The following CRADD variants were observed in gnomAD, a reference collection of about 807,000 sequenced individuals.
The protein encoded by CRADD is CARD and death domain containing adaptor protein.
A neutral mutation model predicts 15.5 loss-of-function variants in CRADD; 9 were observed. That is an observed-to-expected ratio of 0.58 (90% confidence interval 0.35 to 1.01). The LOEUF (loss-of-function observed/expected upper bound fraction) is 1.01. Among genes scored for constraint, CRADD ranks in the 50% least tolerant of loss-of-function variants. The pLI is 0.02. For missense variants in CRADD, 227 were observed against 250.3 expected (o/e 0.91, Z 0.63); for synonymous variants, 118 against 107.6 (o/e 1.10, Z -0.60).
At chr12:93,725,839 C>T (rs186149341) in intron 2 of CRADD, among the ~76,000 whole-genome samples, 171 of 152,210 alleles carry the variant, frequency 1.1e-3, no homozygotes, top group African/African-American at 3.4e-3. Flanking sequence ...TTATATATAC[C>T]TTTCTCTCTT....
chr12:93,883,101 AG>A (rs1958514108), intron 2 of CRADD, among the ~76,000 whole-genome samples: 1 of 152,266 alleles, frequency 6.6e-6, no homozygotes, highest in Non-Finnish European at 1.5e-5. Context: ...TAATTTAATT[AG>A]GCATATGGAC....
intron 2 of CRADD, among the ~76,000 whole-genome samples, chr12:93,866,657 C>A (rs938785832): frequency 6.6e-6 from 1 of 152,130 alleles, no homozygotes; most frequent in Admixed American, 6.6e-5. Flanking sequence ...GAATGAGACT[C>A]TGTATTGTGG....
intron 2 of CRADD, among the ~76,000 whole-genome samples, chr12:93,741,610 C>T (rs1956668390): frequency 6.6e-6 from 1 of 152,144 alleles, no homozygotes; most frequent in South Asian, 2.1e-4. Context: ...GCTGAAGACC[C>T]ACTGTTCAAG....
intron 2 of CRADD, among the ~76,000 whole-genome samples, chr12:93,741,197 G>A (rs1956661504): frequency 6.6e-6 from 1 of 152,192 alleles, no homozygotes; most frequent in African/African-American, 2.4e-5. Context: ...CAGATGCAAT[G>A]ATTTTGTCTG....
chr12:93,678,795 A>G lies in CRADD; in HGVS notation c.21A>G (p.Gln7=), dbSNP rs747416338. MEARDK[Q]VLRSLRLELG... ...GAGAAATGGAGGCCAGAGACAAACA[A>G]GTACTCCGCTCACTTCGCCTGGAGC... Residue 7 remains glutamine (Q), a synonymous_variant, in exon 2 of 3, where the codon CAA becomes CAG. Coordinates refer to ENST00000332896, the MANE Select transcript of CRADD (RefSeq NM_003805.5). The G allele has an allele frequency of 2.0e-5, 33 of 1,613,278 alleles. No individual in the cohort carries two copies. The East Asian group carries it at 6.9e-4, about 34-fold the overall frequency.
chr12:93,802,442 T>C (rs1957486788), intron 2 of CRADD, among the ~76,000 whole-genome samples: 1 of 152,188 alleles, frequency 6.6e-6, no homozygotes, highest in African/African-American at 2.4e-5. Flanking sequence ...ATCATATCAG[T>C]GTGAAAACAG....
In CRADD at chr12:93,816,383, A is replaced by ATTTTTTTTTTTTTTTT. The variant is rs61294048; in HGVS notation, c.299-33572_299-33571insTTTTTTTTTTTTTTTT. ...AGGCGTGTGCCGTGATGCCTGGCTAATTTTTTTTTTTTTTTGGATTTTTGG... is the reference window on the plus strand; with the variant it reads ...AGGCGTGTGCCGTGATGCCTGGCTAATTTTTTTTTTTTTTTTTTTTTTTTTTTTTTTGGATTTTTGG... On this transcript the variant is annotated intron_variant, in intron 2 of 2. Coordinates refer to ENST00000332896, the MANE Select transcript of CRADD (RefSeq NM_003805.5). Among the ~76,000 whole-genome samples, 2 of 122,090 alleles carry ATTTTTTTTTTTTTTTT rather than the reference A, an allele frequency of 1.6e-5. 1 individual carries two copies. 80.1% of individuals were successfully genotyped at this position (122,090 alleles called of 152,430 possible). A position where few individuals can be genotyped will look rare whatever the true frequency, so the allele number is the denominator to read the frequency against.
chr12:93,703,203 T>G (rs1955874100), intron 2 of CRADD, among the ~76,000 whole-genome samples: 1 of 151,838 alleles, frequency 6.6e-6, no homozygotes, highest in South Asian at 2.1e-4. Flanking sequence ...TAGGTGCCAT[T>G]AGGTGTTGAT....
At chr12:93,756,339 A>C (rs1219854123) in intron 2 of CRADD, among the ~76,000 whole-genome samples, 1 of 152,230 alleles carries the variant, frequency 6.6e-6, no homozygotes, top group East Asian at 1.9e-4. Flanking sequence ...CGATATTAAG[A>C]TTAGTTAAGC....
chr12:93,704,759 G>T (rs1387308698), intron 2 of CRADD, among the ~76,000 whole-genome samples: 2 of 152,106 alleles, frequency 1.3e-5, no homozygotes, highest in African/African-American at 4.8e-5. Flanking sequence ...ACTCCTGCTG[G>T]CTTCTTCAGT....
At chr12:93,741,857 G>A (rs1209750510) in intron 2 of CRADD, among the ~76,000 whole-genome samples, 1 of 152,118 alleles carries the variant, frequency 6.6e-6, no homozygotes, top group Non-Finnish European at 1.5e-5. Flanking sequence ...GTAAAAGGAG[G>A]CGGCTGGCCT....
At position 93,838,792 on chromosome 12, in the gene CRADD, T is replaced by C. The variant is rs143357767; in HGVS notation, c.299-11178T>C. ...TTTTTTGAGACAGAGTCTGGCTCTT[T>C]CACCCAAGCTGAAGTTCGATCAGTG... On this transcript the variant is annotated intron_variant, in intron 2 of 2. Transcript: ENST00000332896. Among the ~76,000 whole-genome samples, 289 of 152,132 alleles carry C rather than the reference T, an allele frequency of 1.9e-3. 2 individuals carry two copies. Among genetic ancestry groups the C allele is most frequent in the African/African-American group, 6.7e-3 (279 of 41,492 alleles).
At chr12:93,703,400 C>T (rs1275688307) in intron 2 of CRADD, among the ~76,000 whole-genome samples, 1 of 150,266 alleles carries the variant, frequency 6.7e-6, no homozygotes, top group Non-Finnish European at 1.5e-5. Context: ...TTCTGTTGCC[C>T]AGGCTTGAGT....
intron 2 of CRADD, among the ~76,000 whole-genome samples, chr12:93,771,079 A>C (rs1957081171): frequency 6.6e-6 from 1 of 152,190 alleles, no homozygotes; most frequent in Non-Finnish European, 1.5e-5. Context: ...TTTGGTTAAC[A>C]TAAAAATTTA....
At chr12:93,719,368 TTTTTGCG>T (rs1345302210) in intron 2 of CRADD, among the ~76,000 whole-genome samples, 1 of 152,188 alleles carries the variant, frequency 6.6e-6, no homozygotes, top group Non-Finnish European at 1.5e-5. Flanking sequence ...TTTTTGAGGA[TTTTTGCG>T]TTTATGTTCA....
intron 2 of CRADD, among the ~76,000 whole-genome samples, chr12:93,702,483 C>T (rs1434908600): frequency 4.0e-5 from 6 of 151,732 alleles, no homozygotes; most frequent in Non-Finnish European, 8.8e-5. Context: ...TAAGAAAATC[C>T]ATCCTGAGTT....
At chr12:93,863,596 T>TTTTGTG (rs1444257644) in intron 2 of CRADD, among the ~76,000 whole-genome samples, 34 of 124,850 alleles carry the variant, frequency 2.7e-4, no homozygotes, top group Admixed American at 5.7e-4. Flanking sequence ...GTGGAGGCAT[T>TTTTGTG]TGTGTGTGTG....
At chr12:93,891,111 G>A (rs1958573051) in intron 2 of CRADD, among the ~76,000 whole-genome samples, 1 of 152,032 alleles carries the variant, frequency 6.6e-6, no homozygotes, top group Non-Finnish European at 1.5e-5. Context: ...ATAAAACCAA[G>A]CTGCAGCCTG....
intron 2 of CRADD, among the ~76,000 whole-genome samples, chr12:93,692,574 G>C (rs1457173571): frequency 6.6e-6 from 1 of 152,054 alleles, no homozygotes; most frequent in Non-Finnish European, 1.5e-5. Flanking sequence ...AGGATGATAT[G>C]TTCAAAATGT....
Sources: allele counts gnomAD v4.1 joint callset (sites outside exome capture counted in the v4.1 genomes callset), GRCh38; gene constraint gnomAD v4.1.1; transcripts MANE v1.5; gene names NCBI Gene and HGNC (gene_info 2026-07-23, HGNC 2026-07-21).